The following MKLN1 variants were observed in gnomAD, a reference collection of about 807,000 sequenced individuals.
MKLN1 encodes muskelin.
MKLN1 carries 18 observed loss-of-function variants against 99.0 expected under a neutral mutation model. That is an observed-to-expected ratio of 0.18 (90% CI 0.13 to 0.27). The LOEUF (loss-of-function observed/expected upper bound fraction) is 0.27, where lower values mean the gene tolerates loss of function less well. Ranked by LOEUF, MKLN1 falls within the 10% of genes least tolerant of loss-of-function variation. MKLN1 has a pLI of 1.00. For missense variants in MKLN1, 621 were observed against 875.9 expected, an observed-to-expected ratio of 0.71 and a Z score of 3.67; for synonymous variants, 288 against 293.2, an observed-to-expected ratio of 0.98 and a Z score of 0.18.
At chr7:131,346,454 G>A (rs748071230) in intron 1 of MKLN1, among the ~76,000 whole-genome samples, 9 of 151,762 alleles carry the variant, frequency 5.9e-5, no homozygotes, top group Admixed American at 2.6e-4. Context: ...CCCGGGAGGC[G>A]GAGGTTGCAG....
chr7:131,170,660 T>C (rs1046187086), intron 2 of MKLN1, among the ~76,000 whole-genome samples: 2 of 152,184 alleles, frequency 1.3e-5, no homozygotes, highest in Admixed American at 6.5e-5. Flanking sequence ...GATGATTTCA[T>C]CTCTGAGGGT....
At chr7:131,114,873 T>C (rs6943008) in intron 1 of MKLN1, among the ~76,000 whole-genome samples, 1 of 150,508 alleles carries the variant, frequency 6.6e-6, no homozygotes, top group Non-Finnish European at 1.5e-5. Flanking sequence ...GAGGCAGAGG[T>C]TGTGATGAGC....
At chr7:131,115,132 G>T (rs1795255057) in intron 1 of MKLN1, among the ~76,000 whole-genome samples, 1 of 152,088 alleles carries the variant, frequency 6.6e-6, no homozygotes, top group Non-Finnish European at 1.5e-5. Flanking sequence ...GGACTAAAGG[G>T]CAAGTAGGGA....
At chr7:131,401,111 A>G (rs1409566987) in intron 6 of MKLN1, among the ~76,000 whole-genome samples, 2 of 152,150 alleles carry the variant, frequency 1.3e-5, no homozygotes, top group Non-Finnish European at 2.9e-5. Context: ...AAATAGGAAG[A>G]TCTAGGGAAT....
At chr7:131,392,513 G>C (rs1794223502) in intron 4 of MKLN1, among the ~76,000 whole-genome samples, 1 of 151,846 alleles carries the variant, frequency 6.6e-6, no homozygotes, top group Admixed American at 6.6e-5. Context: ...ACTGTGCTAA[G>C]TATACTTATG....
intron 2 of MKLN1, among the ~76,000 whole-genome samples, chr7:131,173,346 A>G (rs1796244388): frequency 6.6e-6 from 1 of 152,200 alleles, no homozygotes; most frequent in Non-Finnish European, 1.5e-5. Flanking sequence ...ATTCTGGGTG[A>G]GATGAATTTT....
intron 2 of MKLN1, among the ~76,000 whole-genome samples, chr7:131,181,583 C>T (rs983364967): frequency 4.6e-5 from 7 of 151,484 alleles, no homozygotes; most frequent in Non-Finnish European, 1.0e-4. Flanking sequence ...GTGGCGCACA[C>T]ATTTAGTCCC....
At chr7:131,438,062 TTA>T (rs1795725350) in intron 10 of MKLN1, 65 bp downstream of exon 10, 2 of 1,242,576 alleles carry the variant, frequency 1.6e-6, no homozygotes, top group East Asian at 4.6e-5. Context: ...CAATTAGAGT[TTA>T]TGTTAGATGT....
chr7:131,150,243 C>T (rs527657510), intron 2 of MKLN1, among the ~76,000 whole-genome samples: 1 of 152,272 alleles, frequency 6.6e-6, no homozygotes, highest in Non-Finnish European at 1.5e-5. Flanking sequence ...TCAATGACTG[C>T]GTGACCTTGA....
intron 3 of MKLN1, among the ~76,000 whole-genome samples, chr7:131,251,762 T>C (rs1346203739): frequency 6.6e-6 from 1 of 152,022 alleles, no homozygotes; most frequent in Non-Finnish European, 1.5e-5. Context: ...CTTGTCCTCC[T>C]GGGCTCAAGC....
chr7:131,215,981 T>C (rs1796975802), intron 3 of MKLN1, among the ~76,000 whole-genome samples: 1 of 152,176 alleles, frequency 6.6e-6, no homozygotes, highest in African/African-American at 2.4e-5. Context: ...TGCAGGTCAC[T>C]GTTAGTTCCC....
intron 10 of MKLN1, among the ~76,000 whole-genome samples, chr7:131,442,036 A>G (rs184090039): frequency 4.6e-5 from 7 of 152,290 alleles, no homozygotes; most frequent in Non-Finnish European, 8.8e-5. Flanking sequence ...TAACTGTATG[A>G]TCATTTTAAA....
chr7:131,148,878 T>C (rs1386575332), intron 2 of MKLN1, among the ~76,000 whole-genome samples: 1 of 152,244 alleles, frequency 6.6e-6, no homozygotes, highest in African/African-American at 2.4e-5. Flanking sequence ...AATTGGTTTT[T>C]AAAACGAATG....
At chr7:131,246,450 A>G (rs1162145232) in intron 3 of MKLN1, among the ~76,000 whole-genome samples, 2 of 152,202 alleles carry the variant, frequency 1.3e-5, no homozygotes, top group African/African-American at 4.8e-5. Flanking sequence ...CTCTAAACCC[A>G]CATTTTAGGC....
intron 3 of MKLN1, among the ~76,000 whole-genome samples, chr7:131,231,277 T>C (rs1797240460): frequency 6.6e-6 from 1 of 151,800 alleles, no homozygotes. Flanking sequence ...AGGAACTGAG[T>C]CTTAACCTAT....
intron 1 of MKLN1, among the ~76,000 whole-genome samples, chr7:131,112,709 T>C (rs1225639970): frequency 1.3e-5 from 2 of 152,126 alleles, no homozygotes; most frequent in African/African-American, 4.8e-5. Context: ...AGCCTTTCAG[T>C]CATTTTAGAT....
At chr7:131,317,765 C>CAAAA (rs146525048) in intron 3 of MKLN1, among the ~76,000 whole-genome samples, 141 of 49,846 alleles carry the variant, frequency 2.8e-3, no homozygotes, top group Non-Finnish European at 3.7e-3. Context: ...AAATGGAAAG[C>CAAAA]AAAAAAAAAA....
At chr7:131,446,177 TAAA>T (rs1272619900) in intron 12 of MKLN1, among the ~76,000 whole-genome samples, 2 of 152,160 alleles carry the variant, frequency 1.3e-5, no homozygotes, top group South Asian at 4.1e-4. Flanking sequence ...ATCAATATCT[TAAA>T]AACTTTTTAT....
At chr7:131,244,222 A>G (rs1392754495) in intron 3 of MKLN1, among the ~76,000 whole-genome samples, 1 of 152,176 alleles carries the variant, frequency 6.6e-6, no homozygotes, top group Non-Finnish European at 1.5e-5. Context: ...GGGTGTCACT[A>G]GAGAATACTG....
Sources: gnomAD v4.1 joint callset for allele counts (sites outside exome capture counted in the v4.1 genomes callset) on GRCh38, gnomAD v4.1.1 for gene constraint, MANE v1.5 for transcripts, NCBI Gene and HGNC (gene_info 2026-07-23, HGNC 2026-07-21) for gene names.